Variants in CCBE1 observed in about 807,000 individuals in gnomAD.
The protein encoded by CCBE1 is collagen and calcium-binding EGF domain-containing protein 1.
A neutral mutation model predicts 50.0 loss-of-function variants in CCBE1; 37 were observed. The ratio of observed to expected loss-of-function variants is 0.74; its 90% CI spans 0.57 to 0.97. CCBE1 has a LOEUF of 0.97. Among genes scored for constraint, CCBE1 ranks in the 50% least tolerant of loss-of-function variants. The pLI, the probability that CCBE1 is intolerant of heterozygous loss-of-function variation, is 0.00. For missense variants in CCBE1, 538 were observed against 523.8 expected (o/e 1.03, Z -0.26); for synonymous variants, 234 against 203.7 (o/e 1.15, Z -1.27).
chr18:59,664,810 G>A (rs543923962), intron 2 of CCBE1, among the ~76,000 whole-genome samples: 6 of 152,264 alleles, frequency 3.9e-5, no homozygotes, highest in South Asian at 2.1e-4. Flanking sequence ...CAATTCATGC[G>A]ACTGTCTCAT....
chr18:59,654,857 C>G (rs1003345103), intron 2 of CCBE1, among the ~76,000 whole-genome samples: 2 of 149,736 alleles, frequency 1.3e-5, no homozygotes, highest in Non-Finnish European at 3.0e-5. Flanking sequence ...AATCCCAGCA[C>G]TTTGGGAGGC....
chr18:59,547,733 A>T (rs909556217), intron 2 of CCBE1, among the ~76,000 whole-genome samples: 4 of 152,208 alleles, frequency 2.6e-5, no homozygotes, highest in Non-Finnish European at 4.4e-5. Flanking sequence ...GACAAAGGAA[A>T]TGTATGCAAA....
At chr18:59,572,779 A>G (rs1178901194) in intron 2 of CCBE1, among the ~76,000 whole-genome samples, 1 of 152,148 alleles carries the variant, frequency 6.6e-6, no homozygotes, top group Non-Finnish European at 1.5e-5. Flanking sequence ...TTCTCAGAAC[A>G]TTTGTGCTTC....
intron 2 of CCBE1, among the ~76,000 whole-genome samples, chr18:59,692,713 T>C (rs1422722083): frequency 6.6e-6 from 1 of 152,160 alleles, no homozygotes; most frequent in East Asian, 1.9e-4. Flanking sequence ...CAAAGAAAAG[T>C]GGGTGTTTTA....
chr18:59,441,506 CA>C (rs1910423150), intron 7 of CCBE1, among the ~76,000 whole-genome samples: 3 of 146,876 alleles, frequency 2.0e-5, no homozygotes, highest in Admixed American at 6.8e-5. Context: ...AAAATCAAAA[CA>C]AAAAAACACA....
At position 59,431,183 on chromosome 18, in the gene CCBE1, T is replaced by A. The variant is rs1432583347; in HGVS notation, c.*4725A>T. On this transcript the variant is annotated 3_prime_UTR_variant, in exon 11 of 11. Transcript: ENST00000439986. ...AGTAAGAGGGTCCTTTTCTATGATT[T>A]CCCTAGAGCAGTAACGTTTGTTGAG... is the stretch of plus-strand genomic sequence containing the variant. The A allele has an allele frequency of 6.6e-6, 1 of 152,210 alleles. No individual in the cohort carries two copies. The highest frequency in any genetic ancestry group is 1.5e-5 in the Non-Finnish European group (1 of 68,036). 9.4% of individuals were successfully genotyped at this position (152,210 alleles called of 1,614,324 possible). A position where few individuals can be genotyped will look rare whatever the true frequency, so the allele number is the denominator to read the frequency against.
In CCBE1 at chr18:59,439,807, C is replaced by T; in HGVS notation, c.785G>A (p.Gly262Glu). 6.2e-7 allele frequency: 1 copy of T among 1,613,774 alleles called. No individual in the cohort carries two copies. ...PGGQGPPGSP[G>E]PKGSPGFPGM... is the part of the protein sequence containing the mutation. The stretch of plus-strand genomic sequence containing the variant: ...GGGGAAGCCTGGGCTTCCCTTTGGT[C>T]CTGGTGAGCCTGTAATCAAAGAACA... Residue 262 changes from glycine (G) to glutamate (E), a missense_variant, in exon 8 of 11, where the codon GGA (glycine) becomes GAA (glutamate). Transcript: ENST00000439986.
intron 2 of CCBE1, among the ~76,000 whole-genome samples, chr18:59,497,279 C>A (rs1200980048): frequency 6.6e-6 from 1 of 152,270 alleles, no homozygotes; most frequent in East Asian, 1.9e-4. Context: ...TGACCCTGAG[C>A]AACTCACTGA....
At chr18:59,533,944 T>A (rs1915146193) in intron 2 of CCBE1, among the ~76,000 whole-genome samples, 1 of 152,222 alleles carries the variant, frequency 6.6e-6, no homozygotes, top group South Asian at 2.1e-4. Flanking sequence ...CACCAAGTGT[T>A]TCTACTATCA....
intron 2 of CCBE1, among the ~76,000 whole-genome samples, chr18:59,489,235 A>G (rs4940881): frequency 0.31 from 47,622 of 152,034 alleles, 7,980 homozygotes; most frequent in African/African-American, 0.42. Context: ...CACACACTAC[A>G]AGGCTGAGAA....
chr18:59,505,611 T>C (rs779272320), intron 2 of CCBE1, among the ~76,000 whole-genome samples: 1 of 152,234 alleles, frequency 6.6e-6, no homozygotes, highest in Non-Finnish European at 1.5e-5. Flanking sequence ...TCTTACTGTG[T>C]TACACAATTT....
At chr18:59,562,331 A>G (rs1295377574) in intron 2 of CCBE1, among the ~76,000 whole-genome samples, 1 of 152,214 alleles carries the variant, frequency 6.6e-6, no homozygotes, top group African/African-American at 2.4e-5. Flanking sequence ...TTATTAACTA[A>G]GAAATTTAGC....
At chr18:59,441,483 CAAA>C (rs34080571) in intron 7 of CCBE1, among the ~76,000 whole-genome samples, 3 of 130,058 alleles carry the variant, frequency 2.3e-5, no homozygotes, top group Admixed American at 7.7e-5. Context: ...GACTCCATCT[CAAA>C]AAAAAAAAAA....
intron 2 of CCBE1, among the ~76,000 whole-genome samples, chr18:59,575,722 G>C (rs2052985076): frequency 6.6e-6 from 1 of 152,170 alleles, no homozygotes; most frequent in Non-Finnish European, 1.5e-5. Flanking sequence ...ATCATTGATA[G>C]GGTCCTAAGT....
intron 2 of CCBE1, among the ~76,000 whole-genome samples, chr18:59,622,726 G>A (rs1389277079): frequency 3.3e-5 from 5 of 151,676 alleles, no homozygotes; most frequent in African/African-American, 4.8e-5. Context: ...ACTTGAACCC[G>A]GGAGGCAGAG....
rs1909939603 is a variant in CCBE1 at position 59,431,320 on chromosome 18, G to A, written c.*4588C>T. ...GTTGTGAGATATAAATATTGACTAT[G>A]CCAGGAAAAAATTCATCTATTTCCC... On this transcript the variant is annotated 3_prime_UTR_variant, in exon 11 of 11. Transcript: ENST00000439986. The A allele has an allele frequency of 6.6e-6, 1 of 152,146 alleles. No individual in the cohort carries two copies. The highest frequency in any genetic ancestry group is 1.5e-5 in the Non-Finnish European group (1 of 68,028). 9.4% of individuals were successfully genotyped at this position (152,146 alleles called of 1,614,324 possible).
intron 2 of CCBE1, among the ~76,000 whole-genome samples, chr18:59,529,082 T>C (rs1373703046): frequency 6.6e-6 from 1 of 152,254 alleles, no homozygotes; most frequent in Non-Finnish European, 1.5e-5. Context: ...CTAAGTCTGC[T>C]GATCCACAAA....
intron 2 of CCBE1, among the ~76,000 whole-genome samples, chr18:59,483,191 A>G (rs1184070955): frequency 1.3e-5 from 2 of 152,210 alleles, no homozygotes; most frequent in African/African-American, 4.8e-5. Context: ...TGTAGGTTAC[A>G]TAAGGTCTTC....
At position 59,433,836 on chromosome 18, in the gene CCBE1, C is replaced by T. The variant is rs1237059294; in HGVS notation, c.*2072G>A. 1 of 149,324 alleles carries T rather than the reference C, an allele frequency of 6.7e-6. No homozygotes were observed. Among genetic ancestry groups the T allele is most frequent in the African/African-American group, 2.5e-5 (1 of 40,274 alleles). 9.2% of individuals were successfully genotyped at this position (149,324 alleles called of 1,614,324 possible). A position where few individuals can be genotyped will look rare whatever the true frequency, so the allele number is the denominator to read the frequency against. On this transcript the variant is annotated 3_prime_UTR_variant, in exon 11 of 11. Transcript: ENST00000439986. ...CTCGATCTCCTGACCTCGTGATCCG[C>T]CCGCCTCGGCCTCCCAAAGTGCTGG...
Sources: gnomAD v4.1 joint callset for allele counts (sites outside exome capture counted in the v4.1 genomes callset) on GRCh38, gnomAD v4.1.1 for gene constraint, MANE v1.5 for transcripts, NCBI Gene and HGNC (gene_info 2026-07-23, HGNC 2026-07-21) for gene names.